Variants in UCK2 observed in about 807,000 individuals in gnomAD.
UCK2 encodes cytidine monophosphokinase 2.
In UCK2, 6 loss-of-function variants were observed where a neutral mutation model predicts 30.8. The ratio of observed to expected loss-of-function variants is 0.19; its 90% confidence interval spans 0.11 to 0.38. UCK2 has a LOEUF of 0.38. Ranked by LOEUF, UCK2 falls within the 10% of genes least tolerant of loss-of-function variation. The probability of loss-of-function intolerance (pLI) is 1.00; values close to 1 mark genes in which losing one functional copy is unlikely to be tolerated. For synonymous variants in UCK2, 125 were observed against 133.6 expected (o/e 0.94, Z 0.45); for missense variants, 210 against 339.8 (o/e 0.62, Z 3.00).
intron 6 of UCK2, 112 bp from the exon 7 acceptor site, chr1:165,907,572 C>T: frequency 6.9e-7 from 1 of 1,447,500 alleles, no homozygotes; most frequent in South Asian, 1.4e-5. Flanking sequence ...AGCCACTTCC[C>T]TGGAAGTCTT....
At chr1:165,896,621 A>G (rs551342385) in intron 4 of UCK2, among the ~76,000 whole-genome samples, 1 of 152,364 alleles carries the variant, frequency 6.6e-6, no homozygotes, top group Admixed American at 6.5e-5. Flanking sequence ...TTTGCCTGGA[A>G]AAGTTTGATT....
intron 2 of UCK2, chr1:165,890,788 C>T: frequency 4.0e-6 from 1 of 249,608 alleles, no homozygotes. Context: ...TGGTTTTTGC[C>T]CTACAGCCCT....
intron 1 of UCK2, among the ~76,000 whole-genome samples, chr1:165,878,064 C>T (rs576909960): frequency 6.6e-6 from 1 of 152,244 alleles, no homozygotes; most frequent in Non-Finnish European, 1.5e-5. Flanking sequence ...TGTATGATAA[C>T]ATGTTATCCA....
chr1:165,859,821 C>T (rs1654849421), intron 1 of UCK2, among the ~76,000 whole-genome samples: 1 of 152,066 alleles, frequency 6.6e-6, no homozygotes, highest in South Asian at 2.1e-4. Context: ...TCAATAAGAT[C>T]AATGGGTTGG....
chr1:165,831,345 C>T (rs930844657), intron 1 of UCK2, among the ~76,000 whole-genome samples: 5 of 152,182 alleles, frequency 3.3e-5, no homozygotes, highest in Non-Finnish European at 1.5e-5. Context: ...GATGGTGCCA[C>T]TGTACTCCAG....
intron 1 of UCK2, among the ~76,000 whole-genome samples, chr1:165,866,545 T>C (rs1655052016): frequency 6.6e-6 from 1 of 152,192 alleles, no homozygotes. Context: ...ATACATAACG[T>C]AAAATTTATT....
intron 1 of UCK2, among the ~76,000 whole-genome samples, chr1:165,882,468 G>A (rs1320223813): frequency 6.6e-6 from 1 of 152,210 alleles, no homozygotes; most frequent in Admixed American, 6.5e-5. Context: ...ATTTCAGAAT[G>A]TTTGTGCTGC....
intron 1 of UCK2, among the ~76,000 whole-genome samples, chr1:165,864,367 G>GT (rs879593851): frequency 1.6e-4 from 24 of 151,812 alleles, no homozygotes; most frequent in African/African-American, 4.1e-4. Context: ...AGTGAGAACA[G>GT]TTTTTTTTTA....
Position 165,857,920 on chromosome 1 carries a change from C to G in UCK2, c.99+29988C>G, listed in dbSNP as rs967102924. Among the ~76,000 whole-genome samples the G allele has an allele frequency of 3.3e-5, 5 of 152,174 alleles. No individual in the cohort carries two copies. The East Asian group carries it at 7.7e-4, about 23-fold the overall frequency. On this transcript the variant is annotated intron_variant, in intron 1 of 6. Transcript: ENST00000367879. Reference sequence around the variant, plus strand: ...CCTCCCACCAGGCCTGATCTGACTACTAGGAGAGACTGTCTGTATCTGCTG... The same window carrying G: ...CCTCCCACCAGGCCTGATCTGACTAGTAGGAGAGACTGTCTGTATCTGCTG...
Position 165,908,495 on chromosome 1 carries a change from G to A in UCK2, c.*672G>A, listed in dbSNP as rs1647749670. The stretch of plus-strand genomic sequence containing the variant: ...ACTCAAAAATCAAACTCAGGGAAGA[G>A]GCCCACTGAGGAGAACAAGTCTTCT... On this transcript the variant is annotated 3_prime_UTR_variant, in exon 7 of 7. Transcript: ENST00000367879. 1 of 150,154 alleles carries A rather than the reference G, an allele frequency of 6.7e-6. No individual in the cohort carries two copies. Among genetic ancestry groups the A allele is most frequent in the South Asian group, 2.1e-4 (1 of 4,738 alleles). 9.3% of individuals were successfully genotyped at this position (150,154 alleles called of 1,614,324 possible). A position where few individuals can be genotyped will look rare whatever the true frequency, so the allele number is the denominator to read the frequency against.
At chr1:165,886,025 A>G (rs1303681153) in intron 1 of UCK2, among the ~76,000 whole-genome samples, 3 of 152,178 alleles carry the variant, frequency 2.0e-5, no homozygotes, top group African/African-American at 7.2e-5. Context: ...TATAAAATCC[A>G]TTCAACAACT....
intron 1 of UCK2, among the ~76,000 whole-genome samples, chr1:165,887,779 C>CA (rs1553200105): frequency 3.3e-5 from 5 of 151,812 alleles, no homozygotes; most frequent in Non-Finnish European, 7.4e-5. Context: ...TTTCCCCCCC[C>CA]ACCCATCCAT....
At chr1:165,861,354 C>T (rs1222662414) in intron 1 of UCK2, among the ~76,000 whole-genome samples, 5 of 152,026 alleles carry the variant, frequency 3.3e-5, no homozygotes, top group East Asian at 1.9e-4. Context: ...CTCGGCCGGG[C>T]GCGGTGGCTC....
chr1:165,876,252 A>T (rs1390927245), intron 1 of UCK2, among the ~76,000 whole-genome samples: 1 of 152,206 alleles, frequency 6.6e-6, no homozygotes, highest in Admixed American at 6.5e-5. Context: ...GCAGCCTAGT[A>T]ATTGCTACTC....
chr1:165,876,665 G>C (rs1398464934), intron 1 of UCK2, among the ~76,000 whole-genome samples: 1 of 152,152 alleles, frequency 6.6e-6, no homozygotes, highest in Admixed American at 6.5e-5. Flanking sequence ...GTTTTCTATG[G>C]CTATAGTAAC....
At chr1:165,865,423 G>A (rs1311964297) in intron 1 of UCK2, among the ~76,000 whole-genome samples, 1 of 152,188 alleles carries the variant, frequency 6.6e-6, no homozygotes, top group East Asian at 1.9e-4. Flanking sequence ...AGCATGGCAA[G>A]TGCAGCAGCA....
chr1:165,908,078 C>T lies in UCK2; in HGVS notation c.*255C>T, dbSNP rs1647733299. ...CCTAATTATGAATCCAACGTGTAAC[C>T]AGTTATAAATACATATATATATAAA... On this transcript the variant is annotated 3_prime_UTR_variant, in exon 7 of 7. Coordinates refer to ENST00000367879, the MANE Select transcript of UCK2 (RefSeq NM_012474.5). 2.5e-6 allele frequency: 1 copy of T among 406,652 alleles called. No homozygotes were observed. The highest frequency in any genetic ancestry group is 4.2e-5 in the Admixed American group (1 of 23,966). 25.2% of individuals were successfully genotyped at this position (406,652 alleles called of 1,614,324 possible).
At chr1:165,852,509 A>G (rs1654622857) in intron 1 of UCK2, among the ~76,000 whole-genome samples, 1 of 152,238 alleles carries the variant, frequency 6.6e-6, no homozygotes, top group African/African-American at 2.4e-5. Flanking sequence ...TCAAAACCAC[A>G]ATGAGATACC....
intron 1 of UCK2, among the ~76,000 whole-genome samples, chr1:165,888,178 G>A (rs948015982): frequency 6.6e-6 from 1 of 151,990 alleles, no homozygotes; most frequent in Admixed American, 6.6e-5. Flanking sequence ...TCATATTTTT[G>A]TTGTTGTTGT....
Sources: gnomAD v4.1 joint callset for allele counts (sites outside exome capture counted in the v4.1 genomes callset) on GRCh38, gnomAD v4.1.1 for gene constraint, MANE v1.5 for transcripts, NCBI Gene and HGNC (gene_info 2026-07-23, HGNC 2026-07-21) for gene names.